The following ZFPM2 variants were observed in gnomAD, a reference collection of about 807,000 sequenced individuals.
ZFPM2 encodes zinc finger protein ZFPM2.
A neutral mutation model predicts 98.6 loss-of-function variants in ZFPM2; 20 were observed. The ratio of observed to expected loss-of-function variants is 0.20; its 90% CI spans 0.14 to 0.29. The LOEUF (loss-of-function observed/expected upper bound fraction) is 0.29, where lower values mean the gene tolerates loss of function less well. ZFPM2 is among the 10% of genes least tolerant of loss of function. ZFPM2 has a pLI of 1.00. For missense variants in ZFPM2, 1,310 were observed against 1,388.6 expected, an observed-to-expected ratio of 0.94 and a Z score of 0.90; for synonymous variants, 518 against 502.7, an observed-to-expected ratio of 1.03 and a Z score of -0.41.
intron 1 of ZFPM2, among the ~76,000 whole-genome samples, chr8:105,330,743 T>C (rs1812218089): frequency 6.7e-6 from 1 of 149,650 alleles, no homozygotes; most frequent in Non-Finnish European, 1.5e-5. Flanking sequence ...TTTACTGATC[T>C]TGTTTTGATG....
chr8:105,444,137 C>A (rs989579489), intron 2 of ZFPM2, 143 bp from the exon 3 acceptor site: 3 of 632,674 alleles, frequency 4.7e-6, no homozygotes, highest in African/African-American at 3.7e-5. Context: ...TCAAAATAGT[C>A]ATGAACATTT....
chr8:105,509,398 G>A (rs1297700487), intron 3 of ZFPM2, among the ~76,000 whole-genome samples: 9 of 152,076 alleles, frequency 5.9e-5, no homozygotes, highest in East Asian at 5.8e-4. Context: ...TGCTCAGATC[G>A]GTAGCTGTTG....
chr8:105,587,723 A>G (rs932590396), intron 4 of ZFPM2, among the ~76,000 whole-genome samples: 10 of 152,186 alleles, frequency 6.6e-5, no homozygotes, highest in Admixed American at 6.5e-5. Context: ...GGTTAGTTAT[A>G]TGGAATAAAG....
At chr8:105,411,464 A>C (rs1811576073) in intron 1 of ZFPM2, among the ~76,000 whole-genome samples, 1 of 151,964 alleles carries the variant, frequency 6.6e-6, no homozygotes, top group South Asian at 2.1e-4. Flanking sequence ...TAGCATCCTC[A>C]GTAAATATTA....
chr8:105,705,270 T>C (rs1360851736), intron 5 of ZFPM2, among the ~76,000 whole-genome samples: 2 of 152,126 alleles, frequency 1.3e-5, no homozygotes, highest in Non-Finnish European at 2.9e-5. Flanking sequence ...AAGCATTGTG[T>C]GTATGCAATA....
At chr8:105,615,844 T>G (rs758525935) in intron 4 of ZFPM2, among the ~76,000 whole-genome samples, 32 of 152,248 alleles carry the variant, frequency 2.1e-4, no homozygotes, top group Admixed American at 9.8e-4. Context: ...AACCTAAGTT[T>G]AGTGAATTTC....
chr8:105,694,898 T>C (rs1301030703), intron 5 of ZFPM2, among the ~76,000 whole-genome samples: 1 of 152,180 alleles, frequency 6.6e-6, no homozygotes, highest in Non-Finnish European at 1.5e-5. Flanking sequence ...TCTAGCATAT[T>C]AACAATAATG....
intron 3 of ZFPM2, among the ~76,000 whole-genome samples, chr8:105,510,735 A>G (rs1267196872): frequency 8.4e-6 from 1 of 118,622 alleles, no homozygotes; most frequent in Non-Finnish European, 1.6e-5. Context: ...TTCCAATGAC[A>G]ATATAATAAT....
At chr8:105,756,625 G>C (rs1307722185) in intron 5 of ZFPM2, among the ~76,000 whole-genome samples, 2 of 152,118 alleles carry the variant, frequency 1.3e-5, no homozygotes, top group African/African-American at 2.4e-5. Flanking sequence ...CATTTAGCCT[G>C]ATTAATTCTG....
chr8:105,544,376 T>A (rs111878673), intron 3 of ZFPM2, among the ~76,000 whole-genome samples: 55 of 152,286 alleles, frequency 3.6e-4, no homozygotes, highest in African/African-American at 1.2e-3. Flanking sequence ...CCCCTAATGA[T>A]GTTGGCTTTT....
At chr8:105,508,419 G>A (rs1336248620) in intron 3 of ZFPM2, among the ~76,000 whole-genome samples, 2 of 151,962 alleles carry the variant, frequency 1.3e-5, no homozygotes, top group African/African-American at 4.8e-5. Flanking sequence ...TCAGTCTGTG[G>A]GATTTTTTTT....
At chr8:105,666,889 C>T (rs565176052) in intron 5 of ZFPM2, among the ~76,000 whole-genome samples, 1 of 152,274 alleles carries the variant, frequency 6.6e-6, no homozygotes, top group African/African-American at 2.4e-5. Flanking sequence ...AATCTAAACC[C>T]TTGAGTGCAT....
chr8:105,774,436 C>G (rs777544747), intron 5 of ZFPM2, among the ~76,000 whole-genome samples: 1 of 152,064 alleles, frequency 6.6e-6, no homozygotes, highest in Non-Finnish European at 1.5e-5. Flanking sequence ...TAACGTATCC[C>G]GTGGTCTCCA....
chr8:105,494,677 C>G (rs531626861), intron 3 of ZFPM2, among the ~76,000 whole-genome samples: 1 of 152,104 alleles, frequency 6.6e-6, no homozygotes, highest in African/African-American at 2.4e-5. Flanking sequence ...TTAGAAAATT[C>G]TTAGGTACCA....
At chr8:105,510,707 A>G (rs766925023) in intron 3 of ZFPM2, among the ~76,000 whole-genome samples, 10 of 150,404 alleles carry the variant, frequency 6.6e-5, no homozygotes, top group Non-Finnish European at 1.3e-4. Context: ...TCAAGTCAAC[A>G]GTTGTTTCAA....
chr8:105,322,148 TCTCCCC>T (rs1812038045), intron 1 of ZFPM2, among the ~76,000 whole-genome samples: 1 of 152,098 alleles, frequency 6.6e-6, no homozygotes, highest in Non-Finnish European at 1.5e-5. Context: ...TATCAGCCCA[TCTCCCC>T]GCACAGCTGC....
intron 1 of ZFPM2, among the ~76,000 whole-genome samples, chr8:105,341,884 A>G (rs1275494776): frequency 1.3e-5 from 2 of 152,002 alleles, no homozygotes; most frequent in Admixed American, 6.6e-5. Flanking sequence ...CTCCAAGCTA[A>G]AAGTTCATTG....
At chr8:105,406,257 C>T (rs1015011505) in intron 1 of ZFPM2, among the ~76,000 whole-genome samples, 3 of 152,176 alleles carry the variant, frequency 2.0e-5, no homozygotes, top group African/African-American at 4.8e-5. Flanking sequence ...GTTTCTTTTG[C>T]TGTGCAGAAG....
intron 3 of ZFPM2, among the ~76,000 whole-genome samples, chr8:105,542,965 T>C (rs1036561322): frequency 2.0e-5 from 3 of 152,174 alleles, no homozygotes; most frequent in African/African-American, 7.2e-5. Context: ...AAATAACTTC[T>C]TGTTCTCAGG....
Sources: allele counts gnomAD v4.1 joint callset (sites outside exome capture counted in the v4.1 genomes callset), GRCh38; gene constraint gnomAD v4.1.1; transcripts MANE v1.5; gene names NCBI Gene and HGNC (gene_info 2026-07-23, HGNC 2026-07-21).